TDRD9: variants seen among roughly 807,000 people sequenced by gnomAD.
TDRD9 encodes ATP-dependent RNA helicase TDRD9.
TDRD9 carries 124 observed loss-of-function variants against 172.6 expected under a neutral mutation model. The ratio of observed to expected loss-of-function variants is 0.72; its 90% CI spans 0.62 to 0.83. The LOEUF is 0.83. Among genes scored for constraint, TDRD9 ranks in the 40% least tolerant of loss-of-function variants. TDRD9 has a pLI of 0.00. For synonymous variants in TDRD9, 619 were observed against 617.1 expected (o/e 1.00, Z -0.05); for missense variants, 1,479 against 1,714.1 (o/e 0.86, Z 2.42).
chr14:103,942,990 C>A (rs550893175), intron 1 of TDRD9, among the ~76,000 whole-genome samples: 2 of 150,474 alleles, frequency 1.3e-5, no homozygotes, highest in East Asian at 3.9e-4. Flanking sequence ...TAAGAACATA[C>A]AAAATTCTAA....
chr14:103,945,265 C>G (rs949829382), intron 1 of TDRD9: 3 of 152,216 alleles, frequency 2.0e-5, no homozygotes, highest in Admixed American at 1.3e-4. Flanking sequence ...TGTTTGACAC[C>G]TTTCTTGCCA....
At chr14:103,986,074 T>C in intron 7 of TDRD9, 143 bp from the exon 8 acceptor site, 1 of 661,146 alleles carries the variant, frequency 1.5e-6, no homozygotes, top group Non-Finnish European at 2.7e-6. Flanking sequence ...TGTTCAGACA[T>C]TGCTGTCAAT....
intron 1 of TDRD9, among the ~76,000 whole-genome samples, chr14:103,948,649 T>A (rs1374298254): frequency 6.6e-6 from 1 of 152,104 alleles, no homozygotes; most frequent in African/African-American, 2.4e-5. Flanking sequence ...AAGAAAATTC[T>A]GACATACGCT....
At chr14:104,035,860 G>A (rs573953651) in intron 32 of TDRD9, among the ~76,000 whole-genome samples, 36 of 152,206 alleles carry the variant, frequency 2.4e-4, no homozygotes, top group Non-Finnish European at 4.4e-5. Context: ...AGCATGGAGG[G>A]GTGGTCCATA....
chr14:104,049,460 C>A, intron 34 of TDRD9, 148 bp from the exon 35 acceptor site: 2 of 582,168 alleles, frequency 3.4e-6, no homozygotes, highest in Non-Finnish European at 5.8e-6. Context: ...ATTTTCTGAT[C>A]ATAACTGCAT....
intron 13 of TDRD9, among the ~76,000 whole-genome samples, chr14:104,000,146 G>T (rs556065108): frequency 4.3e-4 from 65 of 152,022 alleles, no homozygotes; most frequent in African/African-American, 1.4e-3. Flanking sequence ...GGACAACATG[G>T]CAAAACTCTG....
In TDRD9 at chr14:104,052,085, A is replaced by T. The variant is rs139997039; in HGVS notation, c.*3A>T. On this transcript the variant is annotated 3_prime_UTR_variant, in exon 36 of 36. Transcript: ENST00000409874. Reference sequence around the variant, plus strand: ...AACTGGTTGTGCTCGGCACCTGAGCATGTCCACAGGTGGCCTCCAGCACAC... The same window carrying T: ...AACTGGTTGTGCTCGGCACCTGAGCTTGTCCACAGGTGGCCTCCAGCACAC... 6.4e-7 allele frequency: 1 copy of T among 1,562,728 alleles called. No individual in the cohort carries two copies. The highest frequency in any genetic ancestry group is 8.7e-7 in the Non-Finnish European group (1 of 1,152,526).
chr14:103,980,597 C>T lies in TDRD9; in HGVS notation c.1011+5044C>T, dbSNP rs886360678. ...CATCACAGGGAGACGGTTAGGCCTC[C>T]GGATAACTGCGGGCGGGCCTAACTG... On this transcript the variant is annotated intron_variant, in intron 7 of 35. Transcript: ENST00000409874. The surrounding 1 kb of genome is among the most constrained non-coding windows in gnomAD (Gnocchi z 4.5). 2.8e-4 allele frequency among the ~76,000 whole-genome samples: 42 copies of T among 152,220 alleles called. No individual in the cohort carries two copies. Among genetic ancestry groups the T allele is most frequent in the Non-Finnish European group, 4.9e-4 (33 of 67,992 alleles).
At position 103,966,715 on chromosome 14, in the gene TDRD9, C is replaced by A; in HGVS notation, c.649C>A (p.Leu217Ile). The change falls in exon 5 of 36, where the codon CTA becomes ATA. Residue 217 changes from leucine to isoleucine, a missense_variant. Leu to Ile is a conservative substitution (Grantham distance 5, BLOSUM62 2). Around this residue, in one of 3 missense-constraint regions of TDRD9, gnomAD observed 1,413 missense variants for 1,649.1 expected, o/e 0.86. Coordinates refer to ENST00000409874, the MANE Select transcript of TDRD9 (RefSeq NM_153046.3). ...LGGVVGYQVG[L>I]EKIATEDTRL... ...TTTCCTTCTCCAATTTTAGGTAGGG[C>A]TAGAGAAAATAGCAACAGAGGACAC... 6.5e-6 allele frequency: 10 copies of A among 1,540,920 alleles called. No individual in the cohort carries two copies. Among genetic ancestry groups the A allele is most frequent in the Non-Finnish European group, 8.8e-6 (10 of 1,141,576 alleles).
chr14:103,954,537 C>T (rs906951162), intron 1 of TDRD9, among the ~76,000 whole-genome samples: 2 of 152,158 alleles, frequency 1.3e-5, no homozygotes, highest in African/African-American at 2.4e-5. Context: ...GCACGTGCTT[C>T]GTTTACATGT....
chr14:103,998,316 T>G (rs1329324200), intron 12 of TDRD9, among the ~76,000 whole-genome samples: 1 of 152,134 alleles, frequency 6.6e-6, no homozygotes, highest in East Asian at 1.9e-4. Flanking sequence ...GTACTGCTGT[T>G]GTAATGATGC....
intron 4 of TDRD9, 149 bp from the exon 5 acceptor site, chr14:103,966,560 A>G: frequency 1.3e-6 from 1 of 775,186 alleles, no homozygotes; most frequent in South Asian, 2.8e-5. Flanking sequence ...AAAATAATTG[A>G]CTTGAGAATG....
chr14:103,962,962 T>TTGAG, intron 2 of TDRD9, 117 bp from the exon 3 acceptor site: 11 of 383,340 alleles, frequency 2.9e-5, no homozygotes, highest in Admixed American at 8.2e-5. Flanking sequence ...ATTTTTGTAT[T>TTGAG]TGAGTGTGTG....
chr14:103,950,045 CTT>C (rs71126090), intron 1 of TDRD9, among the ~76,000 whole-genome samples: 199 of 134,968 alleles, frequency 1.5e-3, no homozygotes, highest in Non-Finnish European at 1.8e-3. Flanking sequence ...CCTTCCTTCC[CTT>C]TTTTTTTTTC....
chr14:103,972,961 T>C (rs1311583444), intron 6 of TDRD9, among the ~76,000 whole-genome samples: 1 of 152,228 alleles, frequency 6.6e-6, no homozygotes, highest in African/African-American at 2.4e-5. Context: ...TTCTTGAATG[T>C]CATTTAAGAC....
At chr14:104,028,033 C>G (rs927860019) in intron 28 of TDRD9, among the ~76,000 whole-genome samples, 4 of 152,232 alleles carry the variant, frequency 2.6e-5, no homozygotes, top group African/African-American at 9.6e-5. Flanking sequence ...AGGATTTTTT[C>G]TTTTTGTAGC....
In TDRD9 at chr14:103,998,618, T is replaced by C. The variant is rs1354671236; in HGVS notation, c.1379-6T>C. ...GGTGTTTACAGTCCTTTTTTTTAAA[T>C]GGCAGTTATAGATTTTTGTTTGACT... On this transcript the variant is annotated splice_region_variant and splice_polypyrimidine_tract_variant and intron_variant, in intron 12 of 35. Coordinates refer to ENST00000409874, the MANE Select transcript of TDRD9 (RefSeq NM_153046.3). 1 of 1,503,516 alleles carries C rather than the reference T, an allele frequency of 6.7e-7. No homozygotes were observed. The highest frequency in any genetic ancestry group is 9.2e-7 in the Non-Finnish European group (1 of 1,081,208). The allele number at this position is 1,503,516 out of a possible 1,614,324, so 93.1% of individuals were successfully genotyped here. A position where few individuals can be genotyped will look rare whatever the true frequency, so the allele number is the denominator to read the frequency against.
chr14:103,959,965 G>A (rs1158038573), intron 2 of TDRD9, among the ~76,000 whole-genome samples: 1 of 152,078 alleles, frequency 6.6e-6, no homozygotes, highest in African/African-American at 2.4e-5. Context: ...TTTTAAATGT[G>A]GTGATATATT....
At chr14:104,008,795 T>A (rs1260242133) in intron 20 of TDRD9, among the ~76,000 whole-genome samples, 1 of 152,178 alleles carries the variant, frequency 6.6e-6, no homozygotes, top group Non-Finnish European at 1.5e-5. Flanking sequence ...ACACCTGTAG[T>A]CCCAGCTTCT....
Sources: gnomAD v4.1 joint callset for allele counts (sites outside exome capture counted in the v4.1 genomes callset) on GRCh38, gnomAD v4.1.1 for gene constraint, gnomAD v4.1.1 regional missense constraint, Gnocchi (gnomAD v3.1) non-coding constraint, MANE v1.5 for transcripts, NCBI Gene and HGNC (gene_info 2026-07-23, HGNC 2026-07-21) for gene names.